Variants in SKAP1 observed in about 807,000 individuals in gnomAD.
SKAP1 encodes src kinase associated phosphoprotein 1.
A neutral mutation model predicts 58.5 loss-of-function variants in SKAP1; 44 were observed. The ratio of observed to expected loss-of-function variants is 0.75; its 90% confidence interval spans 0.59 to 0.97. The LOEUF is 0.97. Ranked by LOEUF, SKAP1 falls within the 50% of genes least tolerant of loss-of-function variation. SKAP1 has a pLI of 0.00. For missense variants in SKAP1, 390 were observed against 435.2 expected (o/e 0.90, Z 0.92); for synonymous variants, 127 against 149.7 (o/e 0.85, Z 1.11).
Position 48,224,049 on chromosome 17 carries a change from G to A in SKAP1, c.281-34549C>T, listed in dbSNP as rs2065037376. 5.5e-5 allele frequency among the ~76,000 whole-genome samples: 3 copies of A among 54,100 alleles called. No individual in the cohort carries two copies. The South Asian group carries it at 2.6e-3, about 47-fold the overall frequency. The allele number at this position is 54,100 out of a possible 152,430, so 35.5% of individuals were successfully genotyped here. A position where few individuals can be genotyped will look rare whatever the true frequency, so the allele number is the denominator to read the frequency against. ...GAGAGAGAGAGAAGAAGGAGGAGGA[G>A]GAGGAGGAGGAGGAGGAGAAGGAGG... On this transcript the variant is annotated intron_variant, in intron 4 of 12. Transcript: ENST00000336915.
chr17:48,418,903 T>C (rs952770749), intron 1 of SKAP1, among the ~76,000 whole-genome samples: 1 of 152,230 alleles, frequency 6.6e-6, no homozygotes, highest in African/African-American at 2.4e-5. Context: ...GAATACTGAC[T>C]GGAAAGGAAA....
At chr17:48,160,275 A>G (rs2064049401) in intron 11 of SKAP1, among the ~76,000 whole-genome samples, 3 of 152,000 alleles carry the variant, frequency 2.0e-5, no homozygotes, top group Admixed American at 6.6e-5. Context: ...GACTACAAGC[A>G]TGTACCACCA....
intron 4 of SKAP1, among the ~76,000 whole-genome samples, chr17:48,227,401 G>A (rs903834434): frequency 1.3e-5 from 2 of 152,144 alleles, no homozygotes; most frequent in Non-Finnish European, 2.9e-5. Flanking sequence ...TCTGTCCTAA[G>A]ATTCTTGGAT....
At chr17:48,362,566 T>C (rs1467570991) in intron 3 of SKAP1, among the ~76,000 whole-genome samples, 4 of 152,330 alleles carry the variant, frequency 2.6e-5, no homozygotes, top group Middle Eastern at 3.4e-3. Flanking sequence ...CAATCTATGT[T>C]TTCAGCTATA....
At chr17:48,136,176 CTTT>C (rs371757135) in intron 12 of SKAP1, among the ~76,000 whole-genome samples, 1 of 127,242 alleles carries the variant, frequency 7.9e-6, no homozygotes, top group Non-Finnish European at 1.8e-5. Flanking sequence ...TTTTCTCTCT[CTTT>C]TTTTTTTTTC....
At chr17:48,382,630 G>T (rs1198309301) in intron 2 of SKAP1, 1 of 152,218 alleles carries the variant, frequency 6.6e-6, no homozygotes, top group Non-Finnish European at 1.5e-5. Context: ...AACCTCTAAA[G>T]TCCTCATTCT....
chr17:48,439,755 G>A, the SKAP1 span, among the ~76,000 whole-genome samples: 2 of 152,180 alleles, frequency 1.3e-5, no homozygotes, highest in East Asian at 3.8e-4. Flanking sequence ...AGCTCCATAT[G>A]GCCACTATGA....
chr17:48,243,313 A>G (rs996703692), intron 4 of SKAP1, among the ~76,000 whole-genome samples: 2 of 152,316 alleles, frequency 1.3e-5, no homozygotes, highest in South Asian at 2.1e-4. Flanking sequence ...AAAGAGATAT[A>G]ATAAGCCCAT....
chr17:48,153,716 CTGTT>C (rs1567795569), intron 11 of SKAP1, among the ~76,000 whole-genome samples: 1 of 151,882 alleles, frequency 6.6e-6, no homozygotes, highest in East Asian at 1.9e-4. Context: ...TTTCATCACA[CTGTT>C]TGGGCAGCCT....
intron 1 of SKAP1, among the ~76,000 whole-genome samples, chr17:48,413,523 A>AATATATATATATATATATAT (rs1555624885): frequency 1.9e-5 from 2 of 105,414 alleles, no homozygotes; most frequent in African/African-American, 4.3e-5. Context: ...TCAAAAAAAA[A>AATATATATATATATATATAT]ATATATATAT....
intron 4 of SKAP1, among the ~76,000 whole-genome samples, chr17:48,225,680 C>T (rs2065060159): frequency 6.6e-6 from 1 of 152,132 alleles, no homozygotes; most frequent in South Asian, 2.1e-4. Flanking sequence ...GTTTCCTCTG[C>T]CTGCCTGTTC....
intron 4 of SKAP1, among the ~76,000 whole-genome samples, chr17:48,303,019 A>G (rs1291225525): frequency 6.6e-6 from 1 of 152,226 alleles, no homozygotes; most frequent in African/African-American, 2.4e-5. Flanking sequence ...TTAAAAGTTG[A>G]AATTTAAGTT....
intron 4 of SKAP1, among the ~76,000 whole-genome samples, chr17:48,284,261 A>C (rs2065802991): frequency 6.6e-6 from 1 of 152,196 alleles, no homozygotes; most frequent in South Asian, 2.1e-4. Flanking sequence ...GAACCAATAA[A>C]GATAAGAAAT....
chr17:48,318,398 C>T (rs1380369034), intron 4 of SKAP1, among the ~76,000 whole-genome samples: 1 of 152,152 alleles, frequency 6.6e-6, no homozygotes, highest in East Asian at 1.9e-4. Context: ...TTAAGAGGTC[C>T]CACTTATAAT....
intron 4 of SKAP1, among the ~76,000 whole-genome samples, chr17:48,240,781 G>A (rs1048078283): frequency 2.0e-5 from 3 of 152,156 alleles, no homozygotes; most frequent in Non-Finnish European, 4.4e-5. Flanking sequence ...AGTTAAACCT[G>A]AAAGTGCTGC....
intron 4 of SKAP1, 29 bp downstream of exon 4, chr17:48,345,876 C>T: frequency 6.7e-7 from 1 of 1,487,896 alleles, no homozygotes; most frequent in Non-Finnish European, 9.4e-7. Flanking sequence ...GTATGGTAGT[C>T]ACCCAAAATC....
At chr17:48,144,272 G>A (rs2063802829) in intron 11 of SKAP1, among the ~76,000 whole-genome samples, 1 of 152,096 alleles carries the variant, frequency 6.6e-6, no homozygotes, top group South Asian at 2.1e-4. Context: ...GGGCTGCAGG[G>A]CTGAGATGTT....
At chr17:48,334,623 T>C (rs2066545218) in intron 4 of SKAP1, among the ~76,000 whole-genome samples, 1 of 151,760 alleles carries the variant, frequency 6.6e-6, no homozygotes, top group African/African-American at 2.4e-5. Flanking sequence ...ATCTAAGAAA[T>C]CTGACACAGA....
intron 4 of SKAP1, among the ~76,000 whole-genome samples, chr17:48,237,793 A>G (rs1265080394): frequency 6.6e-6 from 1 of 152,190 alleles, no homozygotes; most frequent in East Asian, 1.9e-4. Context: ...TGCAAGAGAG[A>G]TAGAATCTAG....
Sources: allele counts gnomAD v4.1 joint callset (sites outside exome capture counted in the v4.1 genomes callset), GRCh38; gene constraint gnomAD v4.1.1; transcripts MANE v1.5; gene names NCBI Gene and HGNC (gene_info 2026-07-23, HGNC 2026-07-21).